The following CA10 variants were observed in gnomAD, a reference collection of about 807,000 sequenced individuals.
The protein encoded by CA10 is carbonic anhydrase 10 (inactive), also known as carbonic anhydrase-related protein 10.
A neutral mutation model predicts 44.2 loss-of-function variants in CA10; 14 were observed. The observed-to-expected ratio is 0.32, with a 90% CI of 0.21 to 0.50. The LOEUF (loss-of-function observed/expected upper bound fraction) is 0.50. Ranked by LOEUF, CA10 falls within the 20% of genes least tolerant of loss-of-function variation. The pLI, the probability that CA10 is intolerant of heterozygous loss-of-function variation, is 0.99. For missense variants in CA10, 350 were observed against 409.7 expected (o/e 0.85, Z 1.26); for synonymous variants, 159 against 141.6 (o/e 1.12, Z -0.87).
chr17:51,879,783 C>A (rs1383099954), intron 3 of CA10, among the ~76,000 whole-genome samples: 1 of 152,160 alleles, frequency 6.6e-6, no homozygotes, highest in Admixed American at 6.5e-5. Context: ...CTATTAAATT[C>A]TTCTTATCCA....
At chr17:51,858,465 C>T (rs1399330279) in intron 3 of CA10, among the ~76,000 whole-genome samples, 1 of 152,140 alleles carries the variant, frequency 6.6e-6, no homozygotes, top group African/African-American at 2.4e-5. Context: ...CAGTCAGCTG[C>T]TGGGTAATAG....
At chr17:52,093,918 A>G (rs531166634) in intron 1 of CA10, among the ~76,000 whole-genome samples, 1 of 151,878 alleles carries the variant, frequency 6.6e-6, no homozygotes, top group East Asian at 1.9e-4. Flanking sequence ...TCATCTGGTA[A>G]GTTGGAAAGC....
intron 3 of CA10, among the ~76,000 whole-genome samples, chr17:51,844,682 T>C (rs1438630073): frequency 6.6e-6 from 1 of 152,166 alleles, no homozygotes; most frequent in Non-Finnish European, 1.5e-5. Context: ...AATGGAAGTG[T>C]AACACTGTGC....
chr17:51,704,806 T>C (rs1047352144), intron 4 of CA10, among the ~76,000 whole-genome samples: 2 of 151,742 alleles, frequency 1.3e-5, no homozygotes, highest in African/African-American at 4.8e-5. Flanking sequence ...CTGCTAAAAA[T>C]ACAAAAATTA....
intron 2 of CA10, among the ~76,000 whole-genome samples, chr17:51,997,455 A>G (rs1348861925): frequency 6.6e-6 from 1 of 152,106 alleles, no homozygotes; most frequent in Admixed American, 6.6e-5. Flanking sequence ...AGTTTGGTCC[A>G]TGGATAATCA....
chr17:51,857,398 A>G (rs1979095735), intron 3 of CA10, among the ~76,000 whole-genome samples: 2 of 152,166 alleles, frequency 1.3e-5, no homozygotes, highest in African/African-American at 4.8e-5. Flanking sequence ...ACCACATGCT[A>G]CTGATTTTGG....
chr17:51,735,087 A>C (rs1916855376), intron 4 of CA10, among the ~76,000 whole-genome samples: 1 of 152,186 alleles, frequency 6.6e-6, no homozygotes. Context: ...ACCAACTCAC[A>C]ACTGCTCATG....
intron 1 of CA10, among the ~76,000 whole-genome samples, chr17:52,117,546 AT>A (rs1428035826): frequency 6.6e-6 from 1 of 152,174 alleles, no homozygotes; most frequent in African/African-American, 2.4e-5. Context: ...GTGTAGTTAT[AT>A]ATGTGTTGTG....
chr17:51,691,023 A>G (rs1567804673), intron 4 of CA10, among the ~76,000 whole-genome samples: 1 of 152,216 alleles, frequency 6.6e-6, no homozygotes, highest in Non-Finnish European at 1.5e-5. Context: ...ATTAGAAATA[A>G]TGCTGCAACA....
At chr17:51,783,903 G>A (rs945453192) in intron 3 of CA10, among the ~76,000 whole-genome samples, 62 of 152,138 alleles carry the variant, frequency 4.1e-4, no homozygotes, top group African/African-American at 1.3e-3. Context: ...ATACACAGCT[G>A]TGTAGGAGCA....
intron 1 of CA10, among the ~76,000 whole-genome samples, chr17:52,115,037 A>T (rs1012629904): frequency 1.3e-5 from 2 of 152,160 alleles, no homozygotes; most frequent in Non-Finnish European, 2.9e-5. Context: ...TTTTGTGCAG[A>T]TAAGGGAACC....
intron 3 of CA10, among the ~76,000 whole-genome samples, chr17:51,841,944 C>A (rs1010908961): frequency 5.9e-5 from 9 of 152,186 alleles, no homozygotes; most frequent in African/African-American, 1.9e-4. Context: ...CTGTCTTTTC[C>A]TTCTGCCTCT....
chr17:51,724,423 G>A (rs983450629), intron 4 of CA10, among the ~76,000 whole-genome samples: 17 of 152,124 alleles, frequency 1.1e-4, no homozygotes, highest in African/African-American at 3.4e-4. Context: ...ACCGGCAGTT[G>A]CCAACAAAAG....
intron 2 of CA10, among the ~76,000 whole-genome samples, chr17:52,015,864 G>A (rs1985952604): frequency 6.6e-6 from 1 of 152,090 alleles, no homozygotes; most frequent in African/African-American, 2.4e-5. Context: ...TGGGAATGCT[G>A]CTTTTTATTT....
At chr17:51,694,699 T>G (rs1052010610) in intron 4 of CA10, among the ~76,000 whole-genome samples, 1 of 152,170 alleles carries the variant, frequency 6.6e-6, no homozygotes, top group Non-Finnish European at 1.5e-5. Context: ...TGCAATTGCT[T>G]TTGAGGACTT....
intron 4 of CA10, among the ~76,000 whole-genome samples, chr17:51,668,417 G>A (rs1914285320): frequency 1.3e-5 from 2 of 152,232 alleles, no homozygotes; most frequent in Admixed American, 1.3e-4. Flanking sequence ...TAGCCCTTCT[G>A]TGAATTAGGC....
chr17:51,831,680 A>AGCG (rs1567854508), intron 3 of CA10, among the ~76,000 whole-genome samples: 9 of 47,118 alleles, frequency 1.9e-4, no homozygotes, highest in South Asian at 1.7e-3. Context: ...CAGCAGCAGC[A>AGCG]GCAGCAGCAG....
At chr17:52,112,059 T>C (rs963141941) in intron 1 of CA10, among the ~76,000 whole-genome samples, 2 of 152,014 alleles carry the variant, frequency 1.3e-5, no homozygotes, top group East Asian at 1.9e-4. Flanking sequence ...GTCAAGGAAA[T>C]GAATGCCTAA....
chr17:51,994,459 C>T (rs551240266), intron 2 of CA10, among the ~76,000 whole-genome samples: 46 of 152,074 alleles, frequency 3.0e-4, no homozygotes, highest in African/African-American at 1.1e-3. Context: ...TTGGGCAGGA[C>T]ACATCCGACT....
Sources: allele counts gnomAD v4.1 joint callset (sites outside exome capture counted in the v4.1 genomes callset), GRCh38; gene constraint gnomAD v4.1.1; transcripts MANE v1.5; gene names NCBI Gene and HGNC (gene_info 2026-07-23, HGNC 2026-07-21).